The following CREB5 variants were observed in gnomAD, a reference collection of about 807,000 sequenced individuals.
The protein encoded by CREB5 is cyclic AMP-responsive element-binding protein 5.
CREB5 carries 19 observed loss-of-function variants against 57.1 expected under a neutral mutation model. The ratio of observed to expected loss-of-function variants is 0.33; its 90% CI spans 0.23 to 0.49. The LOEUF (loss-of-function observed/expected upper bound fraction) is 0.49, where lower values mean the gene tolerates loss of function less well. CREB5 is among the 20% of genes least tolerant of loss of function. The probability of loss-of-function intolerance (pLI) is 0.99; values close to 1 mark genes in which losing one functional copy is unlikely to be tolerated. For missense variants in CREB5, 579 were observed against 671.6 expected (o/e 0.86, Z 1.52); for synonymous variants, 238 against 238.3 (o/e 1.00, Z 0.01).
chr7:28,518,795 C>A (rs567920695), intron 4 of CREB5, among the ~76,000 whole-genome samples: 3 of 152,340 alleles, frequency 2.0e-5, no homozygotes, highest in Admixed American at 1.3e-4. Flanking sequence ...ACACTCCCCC[C>A]ATGTGGATTG....
At chr7:28,501,516 A>G (rs1792273047) in intron 3 of CREB5, among the ~76,000 whole-genome samples, 1 of 152,166 alleles carries the variant, frequency 6.6e-6, no homozygotes. Flanking sequence ...TTTATATGAA[A>G]AGCTTGCTTG....
Position 28,804,202 on chromosome 7 carries a change from T to C in CREB5, c.706T>C (p.Leu236=), listed in dbSNP as rs750373795. ...CCTCCCTTTTGTTCTGTTTCAGAGG[T>C]TGAAGGCTGCATTGACTCACCACCC... ...QPMHSEAKMR[L]KAALTHHPAA... Residue 236 remains leucine (L), a synonymous_variant, in exon 8 of 11, where the codon TTG becomes CTG. Coordinates refer to ENST00000357727, the MANE Select transcript of CREB5 (RefSeq NM_182898.4). 5.6e-6 allele frequency: 9 copies of C among 1,611,952 alleles called. No individual in the cohort carries two copies. The African/African-American group carries it at 1.1e-4, about 19-fold the overall frequency.
chr7:28,349,420 C>T (rs1166880061), intron 1 of CREB5, among the ~76,000 whole-genome samples: 1 of 151,648 alleles, frequency 6.6e-6, no homozygotes, highest in Non-Finnish European at 1.5e-5. Flanking sequence ...ATTTTTGATA[C>T]AAATTCCCCC....
intron 2 of CREB5, chr7:28,491,380 A>C: frequency 2.5e-6 from 1 of 401,068 alleles, no homozygotes; most frequent in South Asian, 1.0e-4. Flanking sequence ...AGATTCAAGG[A>C]AGTGACTTGA....
At position 28,823,888 on chromosome 7, in the gene CREB5, G is replaced by A. The variant is rs1809923335; in HGVS notation, c.*4609G>A. 6.6e-6 allele frequency: 1 copy of A among 152,498 alleles called. No homozygotes were observed. Among genetic ancestry groups the A allele is most frequent in the African/African-American group, 2.4e-5 (1 of 41,396 alleles). The allele number at this position is 152,498 out of a possible 1,614,324, so 9.4% of individuals were successfully genotyped here. On this transcript the variant is annotated 3_prime_UTR_variant, in exon 11 of 11. Coordinates refer to ENST00000357727, the MANE Select transcript of CREB5 (RefSeq NM_182898.4). The stretch of plus-strand genomic sequence containing the variant: ...AACCCATTTAAATTTGAATAAAACC[G>A]TGCCTATGCGAACAGTAGCAATTTA...
At chr7:28,528,377 T>C (rs1433679784) in intron 4 of CREB5, among the ~76,000 whole-genome samples, 1 of 152,240 alleles carries the variant, frequency 6.6e-6, no homozygotes, top group Non-Finnish European at 1.5e-5. Flanking sequence ...TTCTCAATTA[T>C]GTGAAAGCAG....
At chr7:28,340,210 C>T (rs1785908465) in intron 1 of CREB5, among the ~76,000 whole-genome samples, 2 of 152,198 alleles carry the variant, frequency 1.3e-5, no homozygotes, top group South Asian at 4.1e-4. Flanking sequence ...CAGAAGGAAT[C>T]TCTCCTCATA....
chr7:28,791,930 T>C (rs1583754967), intron 7 of CREB5, among the ~76,000 whole-genome samples: 1 of 152,280 alleles, frequency 6.6e-6, no homozygotes, highest in African/African-American at 2.4e-5. Context: ...CTCTGGTTCA[T>C]TGAATTGTAC....
At chr7:28,595,520 T>C (rs1222142365) in intron 5 of CREB5, among the ~76,000 whole-genome samples, 2 of 152,318 alleles carry the variant, frequency 1.3e-5, no homozygotes, top group East Asian at 3.9e-4. Flanking sequence ...GTGCACCCCT[T>C]TCTCTGGTGG....
intron 4 of CREB5, among the ~76,000 whole-genome samples, chr7:28,562,856 C>T (rs569593399): frequency 6.6e-6 from 1 of 152,244 alleles, no homozygotes; most frequent in East Asian, 1.9e-4. Context: ...TTATAGTGCC[C>T]ATTTGTAAGA....
At chr7:28,578,132 T>A (rs1361556904) in intron 5 of CREB5, among the ~76,000 whole-genome samples, 1 of 152,246 alleles carries the variant, frequency 6.6e-6, no homozygotes, top group Non-Finnish European at 1.5e-5. Context: ...TATCACTGGT[T>A]AGTGTCTTCC....
At chr7:28,316,426 A>G (rs1785382148) in intron 1 of CREB5, among the ~76,000 whole-genome samples, 1 of 152,188 alleles carries the variant, frequency 6.6e-6, no homozygotes, top group African/African-American at 2.4e-5. Context: ...TAAATAGTTT[A>G]TAATTTAAAT....
At chr7:28,462,472 T>C (rs1790389958) in intron 1 of CREB5, among the ~76,000 whole-genome samples, 2 of 152,186 alleles carry the variant, frequency 1.3e-5, no homozygotes, top group Non-Finnish European at 2.9e-5. Context: ...TGGTAACTCT[T>C]TGTTTAACAT....
At chr7:28,645,748 G>T (rs571470666) in intron 5 of CREB5, among the ~76,000 whole-genome samples, 2 of 152,330 alleles carry the variant, frequency 1.3e-5, no homozygotes, top group African/African-American at 4.8e-5. Flanking sequence ...AATTTTACGT[G>T]TCAATTTGAC....
At chr7:28,680,404 G>A (rs895945904) in intron 5 of CREB5, among the ~76,000 whole-genome samples, 1 of 152,110 alleles carries the variant, frequency 6.6e-6, no homozygotes, top group African/African-American at 2.4e-5. Context: ...ATGAATCAGT[G>A]TAGTTAGTCT....
Position 28,660,725 on chromosome 7 carries a change from T to TTTC in CREB5, c.465-58018_465-58016dup, listed in dbSNP as rs144067862. On this transcript the variant is annotated intron_variant, in intron 5 of 10. Coordinates refer to ENST00000357727, the MANE Select transcript of CREB5 (RefSeq NM_182898.4). The stretch of plus-strand genomic sequence containing the variant: ...CCCCACCCCTTCACCTTTTCCTCCC[T>TTTC]TTCTTCTTCTTCCCATTCTTATTCT... 6.1e-4 allele frequency among the ~76,000 whole-genome samples: 93 copies of TTTC among 152,294 alleles called. 1 individual carries two copies. The East Asian group carries it at 0.016, about 26-fold the overall frequency.
rs182145619 is a variant in CREB5, at chr7:28,775,178, C to T, written c.703-29021C>T. 9.0e-4 allele frequency among the ~76,000 whole-genome samples: 137 copies of T among 152,124 alleles called. 1 individual carries two copies. The highest frequency in any genetic ancestry group is 3.2e-3 in the African/African-American group (132 of 41,492). On this transcript the variant is annotated intron_variant, in intron 7 of 10. Transcript: ENST00000357727. ...AACCTGTGGTCCCTAATGCTAAAAC[C>T]TTGACATATTTTATTTTCGTACACT...
chr7:28,442,170 A>G (rs1050956419), intron 1 of CREB5, among the ~76,000 whole-genome samples: 9 of 152,094 alleles, frequency 5.9e-5, no homozygotes, highest in Admixed American at 5.9e-4. Flanking sequence ...CTTAGCTCCC[A>G]CATATGAGTG....
At chr7:28,439,361 A>G (rs936734563) in intron 1 of CREB5, among the ~76,000 whole-genome samples, 1 of 152,192 alleles carries the variant, frequency 6.6e-6, no homozygotes. Context: ...TGAATTTTCC[A>G]TCATCCTTGC....
Sources: allele counts gnomAD v4.1 joint callset (sites outside exome capture counted in the v4.1 genomes callset), GRCh38; gene constraint gnomAD v4.1.1; transcripts MANE v1.5; gene names NCBI Gene and HGNC (gene_info 2026-07-23, HGNC 2026-07-21).